The following COL4A3 variants were observed in gnomAD, a reference collection of about 807,000 sequenced individuals.
COL4A3 encodes collagen type IV alpha 3 chain.
A neutral mutation model predicts 217.4 loss-of-function variants in COL4A3; 135 were observed. The ratio of observed to expected loss-of-function variants is 0.62; its 90% CI spans 0.54 to 0.72. The LOEUF is 0.72. COL4A3 is among the 30% of genes least tolerant of loss of function. The probability of loss-of-function intolerance (pLI) is 0.00; values close to 1 mark genes in which losing one functional copy is unlikely to be tolerated. For missense variants in COL4A3, 1,868 were observed against 2,119.9 expected, an observed-to-expected ratio of 0.88 and a Z score of 2.33; for synonymous variants, 690 against 736.3, an observed-to-expected ratio of 0.94 and a Z score of 1.02.
In COL4A3 at chr2:227,239,788, C is replaced by T. The variant is rs937708075; in HGVS notation, c.145-355C>T. 2.0e-5 allele frequency among the ~76,000 whole-genome samples: 3 copies of T among 152,196 alleles called. No individual in the cohort carries two copies. The East Asian group carries it at 5.8e-4, about 29-fold the overall frequency. On this transcript the variant is annotated intron_variant, in intron 2 of 51. Coordinates refer to ENST00000396578, the MANE Select transcript of COL4A3 (RefSeq NM_000091.5). ...CACCTGACCCTCACTGTCTCTCCAT[C>T]CCACAACAAACACTCCACTAACCTT...
chr2:227,267,005 T>C lies in COL4A3; in HGVS notation c.1421T>C (p.Leu474Pro), dbSNP rs766554081. The C allele has an allele frequency of 2.0e-5, 33 of 1,613,620 alleles. No homozygotes were observed. The highest frequency in any genetic ancestry group is 2.8e-5 in the Non-Finnish European group (33 of 1,179,516). ...GCTCTCATTGCAGGAGAACCAGGCC[T>C]CCTGTGTACACAGTGCCCTTATATC... Reference protein sequence around the residue: ...GVDGPKGEPGLLCTQCPYIPG... With the variant: ...GVDGPKGEPGPLCTQCPYIPG... Residue 474 changes from leucine (L) to proline (P), a missense_variant, in exon 23 of 52, where the codon CTC becomes CCC. Leu to Pro is a moderately conservative substitution (Grantham distance 98). Coordinates refer to ENST00000396578, the MANE Select transcript of COL4A3 (RefSeq NM_000091.5).
In COL4A3 at chr2:227,311,843, T is replaced by C. The variant is rs2073753730; in HGVS notation, c.4986T>C (p.Cys1662=). 1.2e-6 allele frequency: 2 copies of C among 1,613,934 alleles called. No individual in the cohort carries two copies. The highest frequency in any genetic ancestry group is 1.7e-6 in the Non-Finnish European group (2 of 1,179,940). ...AATTAGAAAAAATAATAAGTCGCTG[T>C]CAGGTGTGCATGAAGAAAAGACACT... ...AGELEKIISR[C]QVCMKKRH is the part of the protein sequence containing the mutation. Residue 1662 remains cysteine (C), a synonymous_variant, in exon 52 of 52, where the codon TGT becomes TGC. Coordinates refer to ENST00000396578, the MANE Select transcript of COL4A3 (RefSeq NM_000091.5).
In COL4A3 at chr2:227,210,573, G is replaced by C. The variant is rs2067278105; in HGVS notation, c.88-27395G>C. Among the ~76,000 whole-genome samples, 3 of 149,540 alleles carry C rather than the reference G, an allele frequency of 2.0e-5. 1 individual carries two copies. In the South Asian group the frequency reaches 6.4e-4, roughly 32 times the overall value. The stretch of plus-strand genomic sequence containing the variant: ...CCACTGCACACCAGCCTGGGTGACA[G>C]AGTGAGACTCCATCTCAAAAAGAAA... On this transcript the variant is annotated intron_variant, in intron 1 of 51. Coordinates refer to ENST00000396578, the MANE Select transcript of COL4A3 (RefSeq NM_000091.5).
intron 34 of COL4A3, among the ~76,000 whole-genome samples, chr2:227,286,122 C>T (rs748274797): frequency 1.3e-5 from 2 of 152,136 alleles, no homozygotes; most frequent in Non-Finnish European, 2.9e-5. Context: ...TATTTAACAA[C>T]GACCTAAGTA....
chr2:227,226,047 T>C (rs147550165), intron 1 of COL4A3, among the ~76,000 whole-genome samples: 404 of 152,248 alleles, frequency 2.7e-3, no homozygotes, highest in Non-Finnish European at 4.6e-3. Context: ...TTTTACTTGC[T>C]TTATGGTATC....
intron 1 of COL4A3, among the ~76,000 whole-genome samples, chr2:227,234,217 G>A (rs7577732): frequency 0.32 from 49,055 of 151,862 alleles, 8,343 homozygotes; most frequent in Non-Finnish European, 0.36. Flanking sequence ...ACAGAGAGAT[G>A]GAGTAGGTGG....
At chr2:227,203,950 C>G (rs1048701613) in intron 1 of COL4A3, among the ~76,000 whole-genome samples, 4 of 151,998 alleles carry the variant, frequency 2.6e-5, no homozygotes, top group Admixed American at 6.6e-5. Flanking sequence ...ATTCCCAGCT[C>G]CCAGACCAGT....
chr2:227,261,172 GCTGTCCT>G, intron 20 of COL4A3, 55 bp downstream of exon 20: 1 of 1,391,670 alleles, frequency 7.2e-7, no homozygotes, highest in Non-Finnish European at 1.0e-6. Flanking sequence ...AGGAAAATAA[GCTGTCCT>G]CTATTAAGTT....
At chr2:227,269,662 GA>G (rs1242562532) in intron 23 of COL4A3, among the ~76,000 whole-genome samples, 2 of 151,826 alleles carry the variant, frequency 1.3e-5, no homozygotes, top group South Asian at 4.2e-4. Context: ...TATATACTCA[GA>G]AAAAATAAAG....
intron 43 of COL4A3, among the ~76,000 whole-genome samples, chr2:227,302,707 T>C (rs1338652501): frequency 1.7e-5 from 1 of 57,624 alleles, no homozygotes; most frequent in Non-Finnish European, 3.2e-5. Context: ...AAAAAAAAAA[T>C]CATTCTGGCA....
intron 1 of COL4A3, among the ~76,000 whole-genome samples, chr2:227,199,932 C>T (rs16823333): frequency 0.047 from 7,094 of 152,304 alleles, 197 homozygotes; most frequent in Middle Eastern, 0.075. Flanking sequence ...TATGTTAACT[C>T]ATAAATTATA....
intron 1 of COL4A3, among the ~76,000 whole-genome samples, chr2:227,189,988 T>C (rs1178589972): frequency 6.6e-6 from 1 of 152,126 alleles, no homozygotes; most frequent in Non-Finnish European, 1.5e-5. Context: ...GAGAAAAACT[T>C]TGGAGTTGCA....
At chr2:227,239,145 CG>C (rs1307048663) in intron 2 of COL4A3, among the ~76,000 whole-genome samples, 2 of 152,092 alleles carry the variant, frequency 1.3e-5, no homozygotes, top group East Asian at 1.9e-4. Context: ...TCCTTATCCA[CG>C]GTTTCTGAAT....
Position 227,298,744 on chromosome 2 carries a change from T to C in COL4A3, c.3814T>C (p.Ser1272Pro). 6.2e-7 allele frequency: 1 copy of C among 1,613,870 alleles called. No homozygotes were observed. The highest frequency in any genetic ancestry group is 1.1e-5 in the South Asian group (1 of 91,058). ...AATAGGCATAAAAGGAGACAAAGGG[T>C]CTATGGGCCACCCTGGCCCAAAAGG... ...HVIGIKGDKG[S>P]MGHPGPKGPP... Residue 1272 changes from serine (S) to proline (P), a missense_variant, in exon 43 of 52, where the codon TCT becomes CCT. Coordinates refer to ENST00000396578, the MANE Select transcript of COL4A3 (RefSeq NM_000091.5).
chr2:227,276,047 A>G (rs896288070), intron 26 of COL4A3, among the ~76,000 whole-genome samples: 1 of 152,252 alleles, frequency 6.6e-6, no homozygotes, highest in Admixed American at 6.5e-5. Context: ...ATAAAATACA[A>G]TAACTGTTCT....
At chr2:227,274,657 C>T (rs770901325) in intron 26 of COL4A3, among the ~76,000 whole-genome samples, 1 of 152,120 alleles carries the variant, frequency 6.6e-6, no homozygotes, top group Non-Finnish European at 1.5e-5. Flanking sequence ...TGCCACCATG[C>T]CAGGCGAATT....
chr2:227,302,498 GA>G (rs1312916935), intron 43 of COL4A3, among the ~76,000 whole-genome samples: 4 of 151,828 alleles, frequency 2.6e-5, no homozygotes, highest in African/African-American at 4.8e-5. Flanking sequence ...CCAACATGGC[GA>G]AACCCTGTCT....
chr2:227,279,245 GTTT>G (rs200509921), intron 28 of COL4A3, among the ~76,000 whole-genome samples: 2 of 134,122 alleles, frequency 1.5e-5, no homozygotes, highest in Non-Finnish European at 3.4e-5. Context: ...TGCCTGGCTA[GTTT>G]TTTTGTTGTT....
intron 1 of COL4A3, among the ~76,000 whole-genome samples, chr2:227,230,334 C>T (rs2068334380): frequency 6.6e-6 from 1 of 152,062 alleles, no homozygotes; most frequent in Non-Finnish European, 1.5e-5. Context: ...GGGTCATTTC[C>T]TGATGGCAGG....
Sources: gnomAD v4.1 joint callset for allele counts (sites outside exome capture counted in the v4.1 genomes callset) on GRCh38, gnomAD v4.1.1 for gene constraint, MANE v1.5 for transcripts, NCBI Gene and HGNC (gene_info 2026-07-23, HGNC 2026-07-21) for gene names.